BMP2K: variants seen among roughly 807,000 people sequenced by gnomAD.
The protein encoded by BMP2K is BMP2 inducible kinase.
BMP2K carries 74 observed loss-of-function variants against 116.0 expected under a neutral mutation model. That is an observed-to-expected ratio of 0.64 (90% CI 0.53 to 0.77). The LOEUF (loss-of-function observed/expected upper bound fraction) is 0.77. Ranked by LOEUF, BMP2K falls within the 30% of genes least tolerant of loss-of-function variation. The pLI is 0.00. For missense variants in BMP2K, 1,365 were observed against 1,403.6 expected (o/e 0.97, Z 0.44); for synonymous variants, 486 against 502.5 (o/e 0.97, Z 0.44).
chr4:78,802,306 T>G (rs1463765023), intron 1 of BMP2K, among the ~76,000 whole-genome samples: 1 of 152,196 alleles, frequency 6.6e-6, no homozygotes, highest in East Asian at 1.9e-4. Context: ...ATTGATGCTT[T>G]CTTCTTGTTT....
intron 2 of BMP2K, among the ~76,000 whole-genome samples, chr4:78,829,232 G>A (rs1450795708): frequency 1.3e-5 from 2 of 152,122 alleles, no homozygotes; most frequent in African/African-American, 4.8e-5. Context: ...AACCATGTTT[G>A]TGTAATATTC....
At chr4:78,784,286 C>T (rs2109921075) in intron 1 of BMP2K, among the ~76,000 whole-genome samples, 1 of 152,288 alleles carries the variant, frequency 6.6e-6, no homozygotes, top group East Asian at 1.9e-4. Flanking sequence ...CTTGAACTAC[C>T]ATTTCAAAGC....
Position 78,911,348 on chromosome 4 carries a change from C to T in BMP2K, c.2801C>T (p.Ser934Phe). 1.2e-6 allele frequency: 2 copies of T among 1,613,764 alleles called. No individual in the cohort carries two copies. The highest frequency in any genetic ancestry group is 2.2e-5 in the East Asian group (1 of 44,828). ...GYPKSVDVFGSTPFQPFLTST... is the reference protein window; with the variant it reads ...GYPKSVDVFGFTPFQPFLTST... ...CCCAAAAGTGTAGATGTATTTGGCTCCACTCCATTTCAGCCCTTCCTCACA... is the reference window on the plus strand; with the variant it reads ...CCCAAAAGTGTAGATGTATTTGGCTTCACTCCATTTCAGCCCTTCCTCACA... Residue 934 changes from serine to phenylalanine, a missense_variant, in exon 16 of 16, where the codon TCC (serine) becomes TTC (phenylalanine). Physicochemically the swap from Ser to Phe is radical, Grantham distance 155. This residue lies in a region of BMP2K where 596 missense variants were observed against 623.2 expected (regional missense o/e 0.96). Transcript: ENST00000502613.
chr4:78,860,505 A>G (rs1225551373), intron 8 of BMP2K, among the ~76,000 whole-genome samples: 2 of 151,888 alleles, frequency 1.3e-5, no homozygotes, highest in East Asian at 1.9e-4. Context: ...TGCCTAGTCC[A>G]TGGAAGGTGC....
At chr4:78,826,263 G>A (rs182444429) in intron 2 of BMP2K, 108 bp downstream of exon 2, 124 of 786,616 alleles carry the variant, frequency 1.6e-4, no homozygotes, top group African/African-American at 1.3e-3. Flanking sequence ...GCGCAGTGGC[G>A]TGATCTCAGC....
chr4:78,903,758 G>A (rs1175877517), intron 15 of BMP2K, among the ~76,000 whole-genome samples: 2 of 151,958 alleles, frequency 1.3e-5, no homozygotes, highest in East Asian at 3.9e-4. Flanking sequence ...CATCCTGTTC[G>A]TGGCTTTTAT....
Position 78,776,476 on chromosome 4 carries a change from C to A in BMP2K, c.-68C>A. ...GGGGCGGCGACCCCTCGCGGACGCC[C>A]GGCTGCGCGCCGGGCCGGGGACTTG... On this transcript the variant is annotated 5_prime_UTR_variant, in exon 1 of 16. Transcript: ENST00000502613. 1.8e-6 allele frequency: 2 copies of A among 1,108,042 alleles called. No individual in the cohort carries two copies. Among genetic ancestry groups the A allele is most frequent in the Non-Finnish European group, 2.2e-6 (2 of 908,738 alleles). 68.6% of individuals were successfully genotyped at this position (1,108,042 alleles called of 1,614,324 possible).
At chr4:78,790,972 GC>G (rs1727968279) in intron 1 of BMP2K, among the ~76,000 whole-genome samples, 1 of 152,032 alleles carries the variant, frequency 6.6e-6, no homozygotes, top group Non-Finnish European at 1.5e-5. Flanking sequence ...TAGAGGCTGA[GC>G]CCCTGGCCAT....
At chr4:78,870,082 TCTTA>T (rs1732257184) in intron 10 of BMP2K, among the ~76,000 whole-genome samples, 3 of 152,192 alleles carry the variant, frequency 2.0e-5, no homozygotes, top group Non-Finnish European at 4.4e-5. Flanking sequence ...TAAGTGTATA[TCTTA>T]CTTTTTAGTT....
chr4:78,824,126 G>A (rs1216442798), intron 1 of BMP2K, among the ~76,000 whole-genome samples: 1 of 152,174 alleles, frequency 6.6e-6, no homozygotes, highest in East Asian at 1.9e-4. Context: ...GCCTTGTGGG[G>A]TGGTTGATTT....
At chr4:78,863,570 G>C (rs931024647) in intron 9 of BMP2K, among the ~76,000 whole-genome samples, 24 of 152,272 alleles carry the variant, frequency 1.6e-4, no homozygotes, top group Non-Finnish European at 1.6e-4. Flanking sequence ...AAGCAGGAGA[G>C]TGTGAGTCTG....
chr4:78,783,683 A>G (rs1212906347), intron 1 of BMP2K, among the ~76,000 whole-genome samples: 1 of 152,102 alleles, frequency 6.6e-6, no homozygotes, highest in South Asian at 2.1e-4. Context: ...GCACGTGCCT[A>G]TAATAACAGC....
intron 15 of BMP2K, among the ~76,000 whole-genome samples, chr4:78,897,823 G>A (rs1733783635): frequency 6.6e-6 from 1 of 152,142 alleles, no homozygotes; most frequent in Non-Finnish European, 1.5e-5. Flanking sequence ...AGTTTTATCT[G>A]AAAATCTAAA....
At chr4:78,840,270 A>G (rs941866298) in intron 3 of BMP2K, among the ~76,000 whole-genome samples, 5 of 152,042 alleles carry the variant, frequency 3.3e-5, no homozygotes, top group African/African-American at 1.2e-4. Flanking sequence ...TAGGCATCTC[A>G]TTTTATTTTA....
Position 78,776,610 on chromosome 4 carries a change from G to A in BMP2K, c.67G>A (p.Ala23Thr). The change falls in exon 1 of 16, where the codon GCT (alanine) becomes ACT (threonine). Residue 23 changes from alanine to threonine, a missense_variant. Around this residue, in one of 3 missense-constraint regions of BMP2K, gnomAD observed 762 missense variants for 756.7 expected, o/e 1.01. Transcript: ENST00000502613. ...CGGCGGCGGAGCGGCGGGTGGCGGG[G>A]CTGGCGGGGCCGGGGCCGGGGCCGG... ...GSGGGAAGGG[A>T]GGAGAGAGCG... 3.3e-6 allele frequency: 4 copies of A among 1,195,764 alleles called. No individual in the cohort carries two copies. The highest frequency in any genetic ancestry group is 4.2e-6 in the Non-Finnish European group (4 of 961,438). The allele number at this position is 1,195,764 out of a possible 1,614,324, so 74.1% of individuals were successfully genotyped here.
intron 10 of BMP2K, among the ~76,000 whole-genome samples, chr4:78,866,053 T>C (rs2110052242): frequency 6.6e-6 from 1 of 152,312 alleles, no homozygotes. Context: ...GTCTATGTTA[T>C]ATGAGAAAGA....
chr4:78,821,718 T>G (rs757369502), intron 1 of BMP2K, among the ~76,000 whole-genome samples: 6 of 152,182 alleles, frequency 3.9e-5, no homozygotes, highest in Admixed American at 2.6e-4. Flanking sequence ...TTTTAAGGAT[T>G]ATTTTGTTAT....
intron 1 of BMP2K, among the ~76,000 whole-genome samples, chr4:78,804,293 T>C (rs534715719): frequency 6.6e-6 from 1 of 152,368 alleles, no homozygotes; most frequent in South Asian, 2.1e-4. Flanking sequence ...ATGCATTCAT[T>C]CTTTTTTATG....
intron 14 of BMP2K, among the ~76,000 whole-genome samples, chr4:78,880,141 C>T (rs1391924522): frequency 2.6e-5 from 4 of 152,126 alleles, no homozygotes; most frequent in South Asian, 2.1e-4. Context: ...GGCGCAATCT[C>T]GGCTCACCGC....
Sources: allele counts gnomAD v4.1 joint callset (sites outside exome capture counted in the v4.1 genomes callset), GRCh38; gene constraint gnomAD v4.1.1; regional missense constraint gnomAD v4.1.1; transcripts MANE v1.5; gene names NCBI Gene and HGNC (gene_info 2026-07-23, HGNC 2026-07-21).